TMTC4: variants seen among roughly 807,000 people sequenced by gnomAD.
TMTC4 encodes the protein transmembrane O-mannosyltransferase targeting cadherins 4, also known as protein O-mannosyl-transferase TMTC4.
In TMTC4, 65 loss-of-function variants were observed where a neutral mutation model predicts 86.0. The observed-to-expected ratio is 0.76, with a 90% CI of 0.62 to 0.93. The LOEUF is 0.93. TMTC4 is among the 40% of genes least tolerant of loss of function. The pLI, the probability that TMTC4 is intolerant of heterozygous loss-of-function variation, is 0.00. For synonymous variants in TMTC4, 379 were observed against 382.5 expected, an observed-to-expected ratio of 0.99 and a Z score of 0.11; for missense variants, 866 against 948.1, an observed-to-expected ratio of 0.91 and a Z score of 1.14.
Position 100,636,483 on chromosome 13 carries a change from G to A in TMTC4, c.1202+49C>T, listed in dbSNP as rs752770386. On this transcript the variant is annotated intron_variant, in intron 10 of 18. Coordinates refer to ENST00000342624, the MANE Select transcript of TMTC4 (RefSeq NM_032813.5). ...TGATCAGCGCAGGATTTCACAAAAC[G>A]CTTCTGACTCAACCAGCGTGGAACT... 13 of 1,603,164 alleles carry A rather than the reference G, an allele frequency of 8.1e-6. No individual in the cohort carries two copies. The Admixed American group carries it at 1.3e-4, about 16-fold the overall frequency.
chr13:100,620,302 C>G (rs1385617154), intron 15 of TMTC4, among the ~76,000 whole-genome samples: 2 of 152,216 alleles, frequency 1.3e-5, no homozygotes, highest in Non-Finnish European at 2.9e-5. Flanking sequence ...CTCTCACTCT[C>G]TCCTTCCTTC....
At chr13:100,657,438 C>T (rs996145736) in intron 5 of TMTC4, among the ~76,000 whole-genome samples, 3 of 152,256 alleles carry the variant, frequency 2.0e-5, no homozygotes, top group Admixed American at 6.5e-5. Context: ...CATGGTGACT[C>T]TGCCCTTCCT....
At chr13:100,625,117 C>T (rs1880251296) in intron 15 of TMTC4, 2 of 189,568 alleles carry the variant, frequency 1.1e-5, no homozygotes, top group South Asian at 2.1e-4. Context: ...GAGCTCTGCT[C>T]CCTTGAAGAA....
chr13:100,614,509 AAAAG>A (rs1480996188), intron 15 of TMTC4, 79 bp from the exon 16 acceptor site: 214 of 1,105,280 alleles, frequency 1.9e-4, no homozygotes, highest in Admixed American at 1.8e-3. Context: ...AAAAAAAAAA[AAAAG>A]AAAGAAAAAG....
chr13:100,625,134 C>T (rs1227939030), intron 15 of TMTC4: 3 of 209,876 alleles, frequency 1.4e-5, no homozygotes, highest in Non-Finnish European at 1.9e-5. Flanking sequence ...AGAAGGAGAA[C>T]AAGGGAGCTC....
intron 12 of TMTC4, among the ~76,000 whole-genome samples, chr13:100,627,000 G>A (rs1200996070): frequency 2.0e-5 from 3 of 152,296 alleles, no homozygotes; most frequent in Middle Eastern, 3.4e-3. Context: ...TTTCCGCCAC[G>A]TGAGGACACA....
intron 6 of TMTC4, among the ~76,000 whole-genome samples, chr13:100,651,368 T>C (rs548606153): frequency 2.1e-4 from 32 of 152,280 alleles, no homozygotes; most frequent in African/African-American, 2.4e-4. Flanking sequence ...CAGTGTGCCA[T>C]TGATTTCATC....
At chr13:100,674,439 TG>T in intron 1 of TMTC4, 2 of 891,964 alleles carry the variant, frequency 2.2e-6, no homozygotes, top group Non-Finnish European at 2.7e-6. Flanking sequence ...AGGCAGGGGC[TG>T]GGGGCGGCGA....
intron 6 of TMTC4, among the ~76,000 whole-genome samples, chr13:100,650,237 T>C (rs1884262431): frequency 6.6e-6 from 1 of 152,216 alleles, no homozygotes; most frequent in Non-Finnish European, 1.5e-5. Context: ...TCTTCTCGTT[T>C]CAGTATATTG....
chr13:100,632,175 G>A lies in TMTC4; in HGVS notation c.1506+2630C>T, dbSNP rs187403955. 2.0e-3 allele frequency among the ~76,000 whole-genome samples: 308 copies of A among 151,656 alleles called. 1 individual carries two copies. Among genetic ancestry groups the A allele is most frequent in the Non-Finnish European group, 2.5e-3 (172 of 67,958 alleles). ...CCTGTAACATATGAAATCACTTCCC[G>A]GGCAGATTTTTGGGTTCAGACATCA... On this transcript the variant is annotated intron_variant, in intron 12 of 18. Transcript: ENST00000342624.
intron 6 of TMTC4, among the ~76,000 whole-genome samples, chr13:100,642,583 A>C (rs1883166571): frequency 1.3e-5 from 2 of 152,144 alleles, no homozygotes; most frequent in African/African-American, 4.8e-5. Flanking sequence ...GTCTCATGCC[A>C]GAGTCCCCAC....
chr13:100,609,309 G>C (rs542100251), intron 17 of TMTC4, among the ~76,000 whole-genome samples: 1 of 152,052 alleles, frequency 6.6e-6, no homozygotes, highest in Admixed American at 6.6e-5. Context: ...GTAATGATGC[G>C]TTGTTTCTCC....
intron 5 of TMTC4, among the ~76,000 whole-genome samples, chr13:100,662,254 G>A (rs1437491573): frequency 1.4e-5 from 2 of 141,796 alleles, no homozygotes; most frequent in East Asian, 4.8e-4. Flanking sequence ...GGGTGAGGTG[G>A]AGGAGGGTGG....
chr13:100,632,053 A>ACACACACACACACACT (rs1296569630), intron 12 of TMTC4, among the ~76,000 whole-genome samples: 107 of 43,124 alleles, frequency 2.5e-3, no homozygotes, highest in African/African-American at 5.3e-3. Flanking sequence ...ACACACACAC[A>ACACACACACACACACT]CTCTCTCTCT....
At chr13:100,624,133 T>C (rs914032013) in intron 15 of TMTC4, 40 of 162,632 alleles carry the variant, frequency 2.5e-4, no homozygotes, top group Non-Finnish European at 5.1e-4. Context: ...TAGACCATCC[T>C]GGCTAACATG....
chr13:100,604,833 A>T lies in TMTC4; in HGVS notation c.*161T>A. Reference sequence around the variant, plus strand: ...AATCATATCACGCATTCAAGAGTATATTGCTGGTGCTATAATCTTTTTGCA... The same window carrying T: ...AATCATATCACGCATTCAAGAGTATTTTGCTGGTGCTATAATCTTTTTGCA... On this transcript the variant is annotated 3_prime_UTR_variant, in exon 19 of 19. Transcript: ENST00000342624. 1 of 658,572 alleles carries T rather than the reference A, an allele frequency of 1.5e-6. No individual in the cohort carries two copies. Among genetic ancestry groups the T allele is most frequent in the South Asian group, 4.5e-5 (1 of 22,418 alleles). The allele number at this position is 658,572 out of a possible 1,614,324, so 40.8% of individuals were successfully genotyped here. A position where few individuals can be genotyped will look rare whatever the true frequency, so the allele number is the denominator to read the frequency against.
chr13:100,634,532 G>C (rs896461968), intron 12 of TMTC4, among the ~76,000 whole-genome samples: 2 of 152,094 alleles, frequency 1.3e-5, no homozygotes, highest in Non-Finnish European at 2.9e-5. Context: ...AGGGTGAGTA[G>C]ATCATCTGGA....
At chr13:100,632,049 ACACACTCTCTCTCTCTCTCTCTCTCTCT>A (rs1473451341) in intron 12 of TMTC4, among the ~76,000 whole-genome samples, 1 of 77,366 alleles carries the variant, frequency 1.3e-5, no homozygotes, top group Non-Finnish European at 3.0e-5. Flanking sequence ...ACACACACAC[ACACACTCTCTCTCTCTCTCTCTCTCTCT>A]CTCTCTCTCT....
At chr13:100,626,274 CT>C in intron 12 of TMTC4, 124 bp from the exon 13 acceptor site, 1 of 976,730 alleles carries the variant, frequency 1.0e-6, no homozygotes, top group Non-Finnish European at 1.6e-6. Context: ...CCCACCAGAA[CT>C]TTAGCTAAAA....
Sources: allele counts gnomAD v4.1 joint callset (sites outside exome capture counted in the v4.1 genomes callset), GRCh38; gene constraint gnomAD v4.1.1; transcripts MANE v1.5; gene names NCBI Gene and HGNC (gene_info 2026-07-23, HGNC 2026-07-21).